The following DEAF1 variants were observed in gnomAD, a reference collection of about 807,000 sequenced individuals.
The protein encoded by DEAF1 is DEAF1 transcription factor, also known as deformed epidermal autoregulatory factor 1 homolog.
Under a neutral mutation model 58.9 loss-of-function variants are expected in DEAF1, and 53 were observed. That is an observed-to-expected ratio of 0.90 (90% CI 0.72 to 1.13). The LOEUF (loss-of-function observed/expected upper bound fraction) is 1.13. Ranked by LOEUF, DEAF1 falls within the 50% of genes most tolerant of loss-of-function variation. The pLI, the probability that DEAF1 is intolerant of heterozygous loss-of-function variation, is 0.00. For missense variants in DEAF1, 685 were observed against 791.4 expected, an observed-to-expected ratio of 0.87 and a Z score of 1.61; for synonymous variants, 385 against 340.4, an observed-to-expected ratio of 1.13 and a Z score of -1.44.
intron 10 of DEAF1, chr11:666,337 T>A (rs749312325): frequency 2.0e-5 from 3 of 152,082 alleles, no homozygotes; most frequent in Non-Finnish European, 2.9e-5. Context: ...AAACAGTATA[T>A]AAACTAAAAT....
At chr11:695,624 G>A (rs999045665), upstream of DEAF1, 18 of 1,244,704 alleles carry the variant, frequency 1.4e-5, no homozygotes, top group Non-Finnish European at 1.7e-5. Context: ...CCCGAACGTC[G>A]GTTCTCCACC....
chr11:653,945 G>A lies in DEAF1; in HGVS notation c.1593+17C>T, dbSNP rs1355711300. On this transcript the variant is annotated intron_variant, in intron 11 of 11. Transcript: ENST00000382409. ...GGAGGAGGCGGGGGCACTGAGCCTG[G>A]TGTAGGTGAGACCTACCTTGCGTTG... The A allele has an allele frequency of 1.9e-6, 3 of 1,610,714 alleles. No individual in the cohort carries two copies. Among genetic ancestry groups the A allele is most frequent in the Non-Finnish European group, 1.7e-6 (2 of 1,177,084 alleles).
chr11:687,886 T>C, intron 4 of DEAF1, 25 bp downstream of exon 4: 2 of 1,613,968 alleles, frequency 1.2e-6, no homozygotes, highest in Non-Finnish European at 1.7e-6. Context: ...AATACAACTT[T>C]GGAGTCTGAA....
exon 1 of DEAF1, among the ~76,000 whole-genome samples, chr11:707,033 C>G (rs1861742620): frequency 6.6e-6 from 1 of 151,942 alleles, no homozygotes; most frequent in Non-Finnish European, 1.5e-5. Flanking sequence ...CCGGGCATGC[C>G]CGGACCTCTG....
At chr11:692,778 G>T (rs1321091864) in intron 1 of DEAF1, among the ~76,000 whole-genome samples, 1 of 152,110 alleles carries the variant, frequency 6.6e-6, no homozygotes, top group Non-Finnish European at 1.5e-5. Flanking sequence ...CTTGAACCCG[G>T]GAGGCGGGAG....
At chr11:682,803 A>G (rs1860434828) in intron 6 of DEAF1, among the ~76,000 whole-genome samples, 1 of 152,188 alleles carries the variant, frequency 6.6e-6, no homozygotes, top group Non-Finnish European at 1.5e-5. Flanking sequence ...GGATGACTGA[A>G]GAGATTTTCA....
chr11:695,966 G>A, upstream of DEAF1: 1 of 786,860 alleles, frequency 1.3e-6, no homozygotes, highest in Non-Finnish European at 1.7e-6. Context: ...GTCTCTACGT[G>A]AGCGAGACAG....
At chr11:647,072 TCA>T (rs542120202) in intron 11 of DEAF1, among the ~76,000 whole-genome samples, 76 of 152,198 alleles carry the variant, frequency 5.0e-4, no homozygotes, top group African/African-American at 1.7e-3. Context: ...GGCAGGAGGA[TCA>T]CTTGAGCCAG....
At position 704,264 on chromosome 11, in the gene DEAF1, C is replaced by T. The variant is rs190345004; in HGVS notation, c.-438+2308G>A. 4,128 of 722,466 alleles carry T rather than the reference C, an allele frequency of 5.7e-3. 18 individuals carry two copies. Among genetic ancestry groups the T allele is most frequent in the Admixed American group, 8.2e-3 (218 of 26,642 alleles). The allele number at this position is 722,466 out of a possible 1,614,324, so 44.8% of individuals were successfully genotyped here. A position where few individuals can be genotyped will look rare whatever the true frequency, so the allele number is the denominator to read the frequency against. Reference sequence around the variant, plus strand: ...CCCTGGCTGCCGGGCGCCTTCCGCTCGGTGGACTCCTGAGGGCAGGAGGCT... The same window carrying T: ...CCCTGGCTGCCGGGCGCCTTCCGCTTGGTGGACTCCTGAGGGCAGGAGGCT... On this transcript the variant is annotated intron_variant, in intron 1 of 11. Coordinates refer to the DEAF1 transcript ENST00000683307.
chr11:677,215 TGGGATTAAACA>T (rs1193881566), intron 9 of DEAF1, among the ~76,000 whole-genome samples: 2 of 151,876 alleles, frequency 1.3e-5, no homozygotes, highest in Admixed American at 1.3e-4. Flanking sequence ...CCTAAAGTGC[TGGGATTAAACA>T]GGTAAGCCAC....
intron 1 of DEAF1, chr11:704,356 C>T (rs530644497): frequency 2.4e-5 from 23 of 973,762 alleles, no homozygotes; most frequent in African/African-American, 1.0e-4. Context: ...GGCACCTGGA[C>T]AGTCTTTCCT....
At chr11:683,994 A>T (rs1860481082) in intron 6 of DEAF1, among the ~76,000 whole-genome samples, 1 of 152,164 alleles carries the variant, frequency 6.6e-6, no homozygotes, top group Non-Finnish European at 1.5e-5. Flanking sequence ...TTTCCCAATC[A>T]ACTTCAAAAT....
intron 9 of DEAF1, among the ~76,000 whole-genome samples, chr11:678,072 G>T (rs1017170515): frequency 1.3e-5 from 2 of 151,870 alleles, no homozygotes; most frequent in Non-Finnish European, 2.9e-5. Context: ...ATCACTTGAG[G>T]TCAGGAGTTC....
At chr11:700,802 C>G (rs929662240) in intron 1 of DEAF1, 13 of 1,208,428 alleles carry the variant, frequency 1.1e-5, no homozygotes, top group Admixed American at 1.7e-5. Context: ...GTGTGGTTCT[C>G]AGAGACATTT....
At chr11:689,209 T>C (rs1048564373) in intron 2 of DEAF1, among the ~76,000 whole-genome samples, 280 of 143,594 alleles carry the variant, frequency 1.9e-3, no homozygotes, top group Non-Finnish European at 2.5e-3. Flanking sequence ...TTTCTTTTTT[T>C]TTTTTTTTTT....
chr11:661,665 G>A (rs1053083907), intron 10 of DEAF1, among the ~76,000 whole-genome samples: 1 of 152,078 alleles, frequency 6.6e-6, no homozygotes, highest in African/African-American at 2.4e-5. Context: ...AGCTGAGATC[G>A]CACCACTGCA....
intron 10 of DEAF1, among the ~76,000 whole-genome samples, chr11:664,319 G>A (rs1047965221): frequency 2.0e-5 from 3 of 151,942 alleles, no homozygotes; most frequent in Non-Finnish European, 4.4e-5. Flanking sequence ...GGGCCACCCT[G>A]AAGGAGTGTG....
chr11:703,011 C>T, intron 1 of DEAF1: 1 of 1,612,320 alleles, frequency 6.2e-7, no homozygotes, highest in Non-Finnish European at 8.5e-7. Context: ...ACGGCTGGCA[C>T]CGCCCTCCTC....
chr11:696,231 C>G (rs1861149918), upstream of DEAF1, among the ~76,000 whole-genome samples: 1 of 152,230 alleles, frequency 6.6e-6, no homozygotes, highest in Non-Finnish European at 1.5e-5. Flanking sequence ...CCTCAGCCGT[C>G]CTGCCTGAGA....
Sources: allele counts gnomAD v4.1 joint callset (sites outside exome capture counted in the v4.1 genomes callset), GRCh38; gene constraint gnomAD v4.1.1; transcripts MANE v1.5; gene names NCBI Gene and HGNC (gene_info 2026-07-23, HGNC 2026-07-21).